The following VASP variants were observed in gnomAD, a reference collection of about 807,000 sequenced individuals.
VASP encodes the protein vasodilator stimulated phosphoprotein, also known as vasodilator-stimulated phosphoprotein.
A neutral mutation model predicts 54.4 loss-of-function variants in VASP; 27 were observed. That is an observed-to-expected ratio of 0.50 (90% CI 0.37 to 0.68). VASP has a LOEUF of 0.68. VASP is among the 30% of genes least tolerant of loss of function. The pLI, the probability that VASP is intolerant of heterozygous loss-of-function variation, is 0.00. For missense variants in VASP, 488 were observed against 528.3 expected (o/e 0.92, Z 0.75); for synonymous variants, 233 against 209.8 (o/e 1.11, Z -0.96).
At position 45,526,901 on chromosome 19, in the gene VASP, G is replaced by A. The variant is rs1035930386; in HGVS notation, c.*724G>A. The A allele has an allele frequency of 1.3e-5, 2 of 152,042 alleles. No individual in the cohort carries two copies. Among genetic ancestry groups the A allele is most frequent in the Non-Finnish European group, 2.9e-5 (2 of 67,998 alleles). The allele number at this position is 152,042 out of a possible 1,614,324, so 9.4% of individuals were successfully genotyped here. A position where few individuals can be genotyped will look rare whatever the true frequency, so the allele number is the denominator to read the frequency against. Reference sequence around the variant, plus strand: ...ATAAGATGAGGGAGAAAGGAGAAGGGGAGGAAACTTCTCCCCTCCCACCTT... The same window carrying A: ...ATAAGATGAGGGAGAAAGGAGAAGGAGAGGAAACTTCTCCCCTCCCACCTT... On this transcript the variant is annotated 3_prime_UTR_variant, in exon 13 of 13. Transcript: ENST00000245932.
intron 3 of VASP, 121 bp downstream of exon 3, chr19:45,518,215 A>C (rs540011230): frequency 1.5e-6 from 2 of 1,363,234 alleles, no homozygotes; most frequent in African/African-American, 2.9e-5. Context: ...CATTGTTATC[A>C]TGGAAAATTA....
intron 3 of VASP, among the ~76,000 whole-genome samples, chr19:45,520,236 A>T (rs1348806451): frequency 6.6e-6 from 1 of 152,120 alleles, no homozygotes; most frequent in African/African-American, 2.4e-5. Context: ...GTGCACATGA[A>T]TCACCTGGGG....
chr19:45,509,352 G>A (rs1440976792), intron 1 of VASP, among the ~76,000 whole-genome samples: 1 of 151,922 alleles, frequency 6.6e-6, no homozygotes, highest in Non-Finnish European at 1.5e-5. Context: ...TCTTCCTCCG[G>A]GACTCTTCTC....
intron 11 of VASP, among the ~76,000 whole-genome samples, chr19:45,525,232 C>T (rs1018974058): frequency 1.3e-5 from 2 of 151,942 alleles, no homozygotes; most frequent in African/African-American, 4.8e-5. Flanking sequence ...CCTGGGGCAA[C>T]ATCGGGAGAC....
rs554683036 is a variant in VASP at position 45,522,412 on chromosome 19, C to T, written c.551C>T (p.Pro184Leu). 7.8e-6 allele frequency: 12 copies of T among 1,531,930 alleles called. No individual in the cohort carries two copies. Among genetic ancestry groups the T allele is most frequent in the African/African-American group, 5.5e-5 (4 of 72,972 alleles). 94.9% of individuals were successfully genotyped at this position (1,531,930 alleles called of 1,614,324 possible). A position where few individuals can be genotyped will look rare whatever the true frequency, so the allele number is the denominator to read the frequency against. ...PGPPPPPGPP[P>L]PPGLPPSGVP... ...CCTCCCCCTCCTCCAGGTCCCCCCC[C>T]ACCCCCAGGTTTGCCCCCTTCGGGG... Residue 184 changes from proline to leucine, a missense_variant, in exon 6 of 13, where the codon CCA becomes CTA. Transcript: ENST00000245932.
intron 1 of VASP, among the ~76,000 whole-genome samples, chr19:45,510,988 GA>G (rs372628807): frequency 1.5e-3 from 205 of 134,006 alleles, no homozygotes; most frequent in African/African-American, 4.1e-3. Flanking sequence ...TGAAGAAAAA[GA>G]AAAAAAAAAA....
Position 45,524,094 on chromosome 19 carries a change from C to T in VASP, c.911-3C>T. ...ATCTTTCTGATTTCTTGCCTATCCC[C>T]AGAATCTGTGCGGAGACCCTGGGAG... On this transcript the variant is annotated splice_region_variant and splice_polypyrimidine_tract_variant and intron_variant, in intron 9 of 12. Coordinates refer to ENST00000245932, the MANE Select transcript of VASP (RefSeq NM_003370.4). 1 of 1,614,058 alleles carries T rather than the reference C, an allele frequency of 6.2e-7. No homozygotes were observed. Among genetic ancestry groups the T allele is most frequent in the Non-Finnish European group, 8.5e-7 (1 of 1,180,016 alleles).
chr19:45,525,734 C>G, intron 11 of VASP: 2 of 485,090 alleles, frequency 4.1e-6, no homozygotes, highest in Non-Finnish European at 7.4e-6. Flanking sequence ...CTGATTGTGG[C>G]GGCAGGTGAC....
intron 1 of VASP, among the ~76,000 whole-genome samples, chr19:45,514,104 G>A (rs1170469188): frequency 6.6e-6 from 1 of 152,172 alleles, no homozygotes; most frequent in African/African-American, 2.4e-5. Flanking sequence ...CTTGGAAGGG[G>A]TGACATCTAA....
In VASP at chr19:45,526,562, AT is replaced by A. The variant is rs891738950; in HGVS notation, c.*386del. On this transcript the variant is annotated 3_prime_UTR_variant, in exon 13 of 13. Coordinates refer to ENST00000245932, the MANE Select transcript of VASP (RefSeq NM_003370.4). Reference sequence around the variant, plus strand: ...GTTTTGGTTTTTTTAAGAAAAAAAAATATATATATATTTGGGTTTTGGGGGA... The same window carrying A: ...GTTTTGGTTTTTTTAAGAAAAAAAAAATATATATATTTGGGTTTTGGGGGA... The A allele has an allele frequency of 8.8e-5, 14 of 158,492 alleles. No individual in the cohort carries two copies. Among genetic ancestry groups the A allele is most frequent in the East Asian group, 1.8e-4 (1 of 5,444 alleles). The allele number at this position is 158,492 out of a possible 1,614,324, so 9.8% of individuals were successfully genotyped here.
chr19:45,522,185 C>G lies in VASP; in HGVS notation c.446C>G (p.Ser149Trp). The change falls in exon 5 of 13, where the codon TCG becomes TGG. Residue 149 changes from serine to tryptophan, a missense_variant. Transcript: ENST00000245932. The part of the protein sequence containing the change: ...EQQKRQQPGP[S>W]EHIERRVSNA... ...CCCCACAGGCAGCAGCCCGGCCCGTCGGAGCACATAGAGCGCCGGGTCTCC... is the reference window on the plus strand; with the variant it reads ...CCCCACAGGCAGCAGCCCGGCCCGTGGGAGCACATAGAGCGCCGGGTCTCC... 6.2e-7 allele frequency: 1 copy of G among 1,614,086 alleles called. No homozygotes were observed.
chr19:45,511,657 T>C (rs900605949), intron 1 of VASP, among the ~76,000 whole-genome samples: 2 of 152,166 alleles, frequency 1.3e-5, no homozygotes, highest in African/African-American at 4.8e-5. Context: ...CGCACCCCCG[T>C]TTTATGGCTA....
chr19:45,518,200 G>A (rs1282792981), intron 3 of VASP, 106 bp downstream of exon 3: 17 of 1,416,100 alleles, frequency 1.2e-5, no homozygotes, highest in Admixed American at 5.2e-5. Flanking sequence ...AAAATAGAGC[G>A]AATTCATTGT....
chr19:45,517,700 C>CT lies in VASP; in HGVS notation c.46dup (p.Tyr16LeufsTer2). 1 of 1,611,996 alleles carries CT rather than the reference C, an allele frequency of 6.2e-7. No individual in the cohort carries two copies. Among genetic ancestry groups the CT allele is most frequent in the Non-Finnish European group, 8.5e-7 (1 of 1,180,006 alleles). On this transcript the variant is annotated frameshift_variant, in exon 2 of 13. Transcript: ENST00000245932. LOFTEE classifies it high-confidence loss of function. ...CTGTTCCAGCCGGGCCACTGTGATG[C>CT]TTTATGATGATGGCAACAAGCGATG... is the stretch of plus-strand genomic sequence containing the variant.
rs1367464539 is a variant in VASP, at chr19:45,507,795, C to G, written c.5+19C>G. 2 of 1,416,966 alleles carry G rather than the reference C, an allele frequency of 1.4e-6. No individual in the cohort carries two copies. Among genetic ancestry groups the G allele is most frequent in the Admixed American group, 3.2e-5 (1 of 30,898 alleles). The allele number at this position is 1,416,966 out of a possible 1,614,324, so 87.8% of individuals were successfully genotyped here. On this transcript the variant is annotated intron_variant, in intron 1 of 12. Coordinates refer to ENST00000245932, the MANE Select transcript of VASP (RefSeq NM_003370.4). The surrounding 1 kb of genome is among the most constrained non-coding windows in gnomAD (Gnocchi z 4.4). ...CCATGAGGTGAGCCGGACCTGCCCC[C>G]CGACCCGTCCCCGCCCGGGCGGGCT...
chr19:45,524,779 A>C, intron 11 of VASP, 119 bp downstream of exon 11: 2 of 975,292 alleles, frequency 2.1e-6, no homozygotes, highest in African/African-American at 1.6e-5. Flanking sequence ...AATCTGACAA[A>C]TGGAGAAACT....
intron 1 of VASP, among the ~76,000 whole-genome samples, chr19:45,511,272 C>A (rs1406464654): frequency 6.6e-6 from 1 of 152,120 alleles, no homozygotes; most frequent in African/African-American, 2.4e-5. Flanking sequence ...TTTGTGAAAA[C>A]CGGATTCACC....
rs1568390471 is a variant in VASP at position 45,523,189 on chromosome 19, A to ATTTTTTTTTTTT, written c.821+371_821+372insTTTTTTTTTTTT. Among the ~76,000 whole-genome samples, 39 of 106,992 alleles carry ATTTTTTTTTTTT rather than the reference A, an allele frequency of 3.6e-4. 2 individuals carry two copies. The highest frequency in any genetic ancestry group is 6.5e-4 in the African/African-American group (16 of 24,748). The allele number at this position is 106,992 out of a possible 152,430, so 70.2% of individuals were successfully genotyped here. A position where few individuals can be genotyped will look rare whatever the true frequency, so the allele number is the denominator to read the frequency against. ...CTGATTCTAGAACCACAATCTCTTG[A>ATTTTTTTTTTTT]ATTTTTTTTTTTTTTTTTTTTTTTT... On this transcript the variant is annotated intron_variant, in intron 7 of 12. Coordinates refer to ENST00000245932, the MANE Select transcript of VASP (RefSeq NM_003370.4).
At chr19:45,509,331 T>C (rs532629623) in intron 1 of VASP, among the ~76,000 whole-genome samples, 10 of 152,208 alleles carry the variant, frequency 6.6e-5, no homozygotes, top group Admixed American at 6.5e-4. Flanking sequence ...CGTCGCTCTC[T>C]TCCTTCGCCC....
Sources: gnomAD v4.1 joint callset for allele counts (sites outside exome capture counted in the v4.1 genomes callset) on GRCh38, gnomAD v4.1.1 for gene constraint, Gnocchi (gnomAD v3.1) non-coding constraint, MANE v1.5 for transcripts, NCBI Gene and HGNC (gene_info 2026-07-23, HGNC 2026-07-21) for gene names.